Variants in CCDC187 observed in about 807,000 individuals in gnomAD.
CCDC187 encodes coiled-coil domain-containing protein 187.
Under a neutral mutation model 38.0 loss-of-function variants are expected in CCDC187, and 32 were observed. The observed-to-expected ratio is 0.84, with a 90% CI of 0.64 to 1.13. The LOEUF (loss-of-function observed/expected upper bound fraction) is 1.13, where lower values mean the gene tolerates loss of function less well. CCDC187 is among the 50% of genes most tolerant of loss of function. The pLI is 0.00. For synonymous variants in CCDC187, 333 were observed against 347.9 expected (o/e 0.96, Z 0.48); for missense variants, 707 against 786.8 (o/e 0.90, Z 1.21).
intron 14 of CCDC187, among the ~76,000 whole-genome samples, chr9:136,269,537 A>T (rs1416968308): frequency 1.3e-5 from 2 of 152,060 alleles, no homozygotes; most frequent in Non-Finnish European, 2.9e-5. Flanking sequence ...AGTCCCAGGT[A>T]CTCGGGAGGC....
chr9:136,267,268 C>T, intron 16 of CCDC187, 116 bp downstream of exon 16: 1 of 674,060 alleles, frequency 1.5e-6, no homozygotes, highest in Non-Finnish European at 1.8e-6. Context: ...AAAACGCTGT[C>T]GGGGCCACGG....
chr9:136,268,052 G>T lies in CCDC187; in HGVS notation c.3516C>A (p.His1172Gln), dbSNP rs782567769. Residue 1172 changes from histidine (H) to glutamine (Q), a missense_variant, in exon 15 of 26, where the codon CAC (histidine) becomes CAA (glutamine). His to Gln is a conservative substitution (Grantham distance 24). Coordinates refer to ENST00000638797, the MANE Select transcript of CCDC187 (RefSeq NM_001378188.1). ...AKFFPPDNPTHQMLERSLREE... is the reference protein window; with the variant it reads ...AKFFPPDNPTQQMLERSLREE... Reference sequence around the variant, plus strand: ...CCCAGGGGACCTCTCCACGTACCTGGTGGGTGGGGTTGTCCGGAGGGAAGA... The same window carrying T: ...CCCAGGGGACCTCTCCACGTACCTGTTGGGTGGGGTTGTCCGGAGGGAAGA... The T allele has an allele frequency of 6.1e-6, 6 of 985,514 alleles. No homozygotes were observed. Among genetic ancestry groups the T allele is most frequent in the Non-Finnish European group, 7.2e-6 (6 of 829,964 alleles). 61.0% of individuals were successfully genotyped at this position (985,514 alleles called of 1,614,324 possible). A position where few individuals can be genotyped will look rare whatever the true frequency, so the allele number is the denominator to read the frequency against.
In CCDC187 at chr9:136,257,609, G is replaced by A. The variant is rs1554760468; in HGVS notation, c.4367-768C>T. On this transcript the variant is annotated intron_variant, in intron 22 of 25. Coordinates refer to ENST00000638797, the MANE Select transcript of CCDC187 (RefSeq NM_001378188.1). The surrounding 1 kb of genome is among the most constrained non-coding windows in gnomAD (Gnocchi z 4.5). The stretch of plus-strand genomic sequence containing the variant: ...AAGGGACGGGTGGGGCCACCGCAGA[G>A]CCCTCCCCAGGAGCACCAGGCCCCC... Among the ~76,000 whole-genome samples, 1 of 152,172 alleles carries A rather than the reference G, an allele frequency of 6.6e-6. No homozygotes were observed. The highest frequency in any genetic ancestry group is 2.4e-5 in the African/African-American group (1 of 41,448).
intron 3 of CCDC187, among the ~76,000 whole-genome samples, chr9:136,298,371 G>A (rs1032704573): frequency 2.0e-5 from 3 of 152,212 alleles, no homozygotes; most frequent in African/African-American, 7.2e-5. Flanking sequence ...CCGATGGGGA[G>A]GAGATGGAGA....
At chr9:136,278,295 C>T (rs1588660316) in intron 10 of CCDC187, among the ~76,000 whole-genome samples, 2 of 152,360 alleles carry the variant, frequency 1.3e-5, no homozygotes, top group East Asian at 1.9e-4. Context: ...GATCTCCCAG[C>T]TGTGGCCTGA....
At chr9:136,256,606 T>G (rs1554760332) in intron 23 of CCDC187, 99 bp downstream of exon 23, 2 of 152,304 alleles carry the variant, frequency 1.3e-5, no homozygotes, top group African/African-American at 4.8e-5. Context: ...GGAAGGGCCC[T>G]GGGGCACCCA....
At chr9:136,255,473 C>G (rs1216209482) in intron 25 of CCDC187, among the ~76,000 whole-genome samples, 184 bp downstream of exon 25, 1 of 152,218 alleles carries the variant, frequency 6.6e-6, no homozygotes, top group Non-Finnish European at 1.5e-5. Flanking sequence ...GATCCCTGAC[C>G]GTCACTCACC....
chr9:136,301,065 G>A (rs901815111), intron 2 of CCDC187, among the ~76,000 whole-genome samples: 5 of 152,312 alleles, frequency 3.3e-5, no homozygotes, highest in South Asian at 2.1e-4. Flanking sequence ...CAGGCCCTGC[G>A]CGCCTTCATG....
rs928110722 is a variant in CCDC187 at position 136,302,954 on chromosome 9, G to T, written c.483C>A (p.Ala161=). ...CACAGCTCCCCTGCTGCCACGCCTGGGCCCGGATCTTGTCTCTCAGCTGCT... is the reference window on the plus strand; with the variant it reads ...CACAGCTCCCCTGCTGCCACGCCTGTGCCCGGATCTTGTCTCTCAGCTGCT... The part of the protein sequence containing the change: ...RLEQLRDKIR[A]QAWQQGSCAS... Residue 161 remains alanine (A), a synonymous_variant, in exon 2 of 26, where the codon GCC becomes GCA. Transcript: ENST00000638797. 1.3e-5 allele frequency: 5 copies of T among 398,710 alleles called. No homozygotes were observed. The East Asian group carries it at 1.8e-4, about 14-fold the overall frequency. 24.7% of individuals were successfully genotyped at this position (398,710 alleles called of 1,614,324 possible).
chr9:136,272,070 AG>A (rs1285697438), intron 14 of CCDC187, among the ~76,000 whole-genome samples: 1 of 152,226 alleles, frequency 6.6e-6, no homozygotes, highest in Non-Finnish European at 1.5e-5. Context: ...TTCTATGTCC[AG>A]GAAAGAGTAC....
intron 4 of CCDC187, 146 bp downstream of exon 4, chr9:136,297,568 C>T: frequency 2.6e-6 from 1 of 388,580 alleles, no homozygotes. Context: ...GCCTGCCGAT[C>T]CCAGGTGCCC....
intron 14 of CCDC187, among the ~76,000 whole-genome samples, chr9:136,272,444 T>A (rs1220383027): frequency 6.6e-6 from 1 of 152,110 alleles, no homozygotes; most frequent in Non-Finnish European, 1.5e-5. Context: ...GGCTCACGCC[T>A]GTAATCCCAG....
chr9:136,305,861 G>A (rs1831795066), upstream of CCDC187, among the ~76,000 whole-genome samples: 1 of 152,212 alleles, frequency 6.6e-6, no homozygotes, highest in African/African-American at 2.4e-5. Context: ...TGCCCTGGGG[G>A]ACAGCGGAGC....
intron 5 of CCDC187, among the ~76,000 whole-genome samples, 166 bp from the exon 6 acceptor site, chr9:136,291,811 C>T (rs1376898624): frequency 6.6e-6 from 1 of 152,150 alleles, no homozygotes; most frequent in African/African-American, 2.4e-5. Flanking sequence ...TGTGATGAGC[C>T]ACCGCTCTGC....
intron 18 of CCDC187, 116 bp from the exon 19 acceptor site, chr9:136,262,578 T>G: frequency 1.2e-6 from 1 of 860,272 alleles, no homozygotes; most frequent in Non-Finnish European, 1.4e-6. Flanking sequence ...GTGCCGGGGC[T>G]GCTTGCTCCC....
chr9:136,278,784 C>A (rs1033547566), intron 10 of CCDC187, among the ~76,000 whole-genome samples: 1 of 152,254 alleles, frequency 6.6e-6, no homozygotes, highest in Non-Finnish European at 1.5e-5. Flanking sequence ...GCCACACCCA[C>A]CGTTTACATT....
chr9:136,281,753 G>A, intron 9 of CCDC187, 90 bp from the exon 10 acceptor site: 1 of 398,006 alleles, frequency 2.5e-6, no homozygotes, highest in Non-Finnish European at 4.4e-6. Context: ...TCATTGAGCA[G>A]GAACCTGGGC....
intron 17 of CCDC187, 38 bp downstream of exon 17, chr9:136,265,918 C>T (rs782396347): frequency 2.1e-6 from 2 of 952,658 alleles, no homozygotes; most frequent in African/African-American, 1.8e-5. Context: ...CCTCTGTGAG[C>T]CGCCCACCCT....
intron 14 of CCDC187, among the ~76,000 whole-genome samples, chr9:136,273,145 A>G (rs1830868601): frequency 6.6e-6 from 1 of 152,252 alleles, no homozygotes; most frequent in Admixed American, 6.5e-5. Flanking sequence ...AAAAATAACC[A>G]GGTGAGACTC....
Sources: allele counts gnomAD v4.1 joint callset (sites outside exome capture counted in the v4.1 genomes callset), GRCh38; gene constraint gnomAD v4.1.1; non-coding constraint Gnocchi (gnomAD v3.1); transcripts MANE v1.5; gene names NCBI Gene and HGNC (gene_info 2026-07-23, HGNC 2026-07-21).